The following MTMR7 variants were observed in gnomAD, a reference collection of about 807,000 sequenced individuals.
MTMR7 encodes the protein phosphatidylinositol-3-phosphate phosphatase MTMR7.
Under a neutral mutation model 81.2 loss-of-function variants are expected in MTMR7, and 76 were observed. That is an observed-to-expected ratio of 0.94 (90% CI 0.78 to 1.13). The LOEUF (loss-of-function observed/expected upper bound fraction) is 1.13, where lower values mean the gene tolerates loss of function less well. Among genes scored for constraint, MTMR7 ranks in the 50% most tolerant of loss-of-function variants. The pLI is 0.00. For missense variants in MTMR7, 1,044 were observed against 820.0 expected (o/e 1.27, Z -3.34); for synonymous variants, 372 against 289.8 (o/e 1.28, Z -2.88).
rs563617483 is a variant in MTMR7 at position 17,405,582 on chromosome 8, C to G, written c.24+7687G>C. Among the ~76,000 whole-genome samples, 4 of 152,250 alleles carry G rather than the reference C, an allele frequency of 2.6e-5. No homozygotes were observed. In the East Asian group the frequency reaches 5.8e-4, roughly 22 times the overall value. Reference sequence around the variant, plus strand: ...CCCGGACAGCAAATAAATATGCCCTCTGCTACTAAGGAAGAAGCTATTCCT... The same window carrying G: ...CCCGGACAGCAAATAAATATGCCCTGTGCTACTAAGGAAGAAGCTATTCCT... On this transcript the variant is annotated intron_variant, in intron 1 of 13. Coordinates refer to ENST00000180173, the MANE Select transcript of MTMR7 (RefSeq NM_004686.5).
At chr8:17,397,647 C>T (rs1421286749) in intron 1 of MTMR7, among the ~76,000 whole-genome samples, 1 of 152,192 alleles carries the variant, frequency 6.6e-6, no homozygotes, top group Non-Finnish European at 1.5e-5. Flanking sequence ...TGGGGGAACT[C>T]GCCACCCTGA....
chr8:17,336,846 C>T (rs1449248611), intron 6 of MTMR7, among the ~76,000 whole-genome samples: 2 of 152,118 alleles, frequency 1.3e-5, no homozygotes, highest in East Asian at 1.9e-4. Flanking sequence ...AGAGCTTCCA[C>T]GTGGAAACGA....
At chr8:17,312,199 G>T (rs1056812467) in intron 8 of MTMR7, among the ~76,000 whole-genome samples, 1 of 152,184 alleles carries the variant, frequency 6.6e-6, no homozygotes, top group African/African-American at 2.4e-5. Flanking sequence ...TATCTTGGCA[G>T]TTAACATACG....
intron 7 of MTMR7, among the ~76,000 whole-genome samples, chr8:17,324,260 G>C (rs1818554929): frequency 6.6e-6 from 1 of 152,200 alleles, no homozygotes; most frequent in South Asian, 2.1e-4. Flanking sequence ...ACTGTCTGAT[G>C]AATAGATGAG....
intron 7 of MTMR7, among the ~76,000 whole-genome samples, chr8:17,328,325 A>T (rs1818802064): frequency 6.6e-6 from 1 of 152,094 alleles, no homozygotes; most frequent in African/African-American, 2.4e-5. Flanking sequence ...CCTCCCCAAC[A>T]CCCAGGATGC....
chr8:17,326,531 G>C (rs1445645454), intron 7 of MTMR7: 1 of 152,178 alleles, frequency 6.6e-6, no homozygotes, highest in Non-Finnish European at 1.5e-5. Context: ...ATGATAAAAA[G>C]TGCTAGGTTA....
At chr8:17,303,664 C>A (rs1262932981) in intron 12 of MTMR7, among the ~76,000 whole-genome samples, 1 of 150,028 alleles carries the variant, frequency 6.7e-6, no homozygotes, top group Non-Finnish European at 1.5e-5. Flanking sequence ...GGCTGGAGTG[C>A]AATGGCACGA....
chr8:17,311,917 C>G (rs537710642), intron 8 of MTMR7: 1 of 317,084 alleles, frequency 3.2e-6, no homozygotes, highest in Non-Finnish European at 5.9e-6. Context: ...CCTATGCAAA[C>G]GGACCTTCAA....
intron 6 of MTMR7, among the ~76,000 whole-genome samples, chr8:17,332,988 A>C (rs1819092148): frequency 6.6e-6 from 1 of 152,178 alleles, no homozygotes; most frequent in African/African-American, 2.4e-5. Flanking sequence ...CCGAGAGCAT[A>C]TATGAAGTTT....
At chr8:17,301,012 C>T (rs1319743777) in intron 13 of MTMR7, among the ~76,000 whole-genome samples, 1 of 152,170 alleles carries the variant, frequency 6.6e-6, no homozygotes, top group Non-Finnish European at 1.5e-5. Flanking sequence ...TTTTGTTTCC[C>T]CATTCATCAT....
chr8:17,357,699 G>A (rs1229875038), intron 4 of MTMR7, among the ~76,000 whole-genome samples: 4 of 152,144 alleles, frequency 2.6e-5, no homozygotes, highest in Non-Finnish European at 4.4e-5. Context: ...ATGTAGACAT[G>A]CTATAATAAA....
intron 10 of MTMR7, among the ~76,000 whole-genome samples, chr8:17,308,756 G>T (rs1282164585): frequency 6.6e-6 from 1 of 152,122 alleles, no homozygotes; most frequent in Non-Finnish European, 1.5e-5. Flanking sequence ...AGGTCAGACA[G>T]CCCAGACGTC....
Position 17,313,393 on chromosome 8 carries a change from G to A in MTMR7, c.874C>T (p.Leu292Phe). The A allele has an allele frequency of 1.9e-6, 3 of 1,607,938 alleles. No individual in the cohort carries two copies. The highest frequency in any genetic ancestry group is 2.6e-6 in the Non-Finnish European group (3 of 1,175,334). The change falls in exon 8 of 14, where the codon CTT becomes TTT. Residue 292 changes from leucine to phenylalanine, a missense_variant. Leu to Phe is a conservative substitution (Grantham distance 22). Transcript: ENST00000180173. ...AAATCACTCATGGAGGGAGATTTAA[G>A]TTCACACACTGCAAGATAAATCATG... ...SLQKMLEVCE[L>F]KSPSMSDFLW...
chr8:17,338,208 G>T (rs1169195210), intron 6 of MTMR7, among the ~76,000 whole-genome samples: 1 of 152,204 alleles, frequency 6.6e-6, no homozygotes, highest in Non-Finnish European at 1.5e-5. Context: ...TTTCTTTAAT[G>T]GATCAGTGTC....
chr8:17,410,073 T>A (rs569780148), intron 1 of MTMR7, among the ~76,000 whole-genome samples: 1 of 151,994 alleles, frequency 6.6e-6, no homozygotes, highest in Non-Finnish European at 1.5e-5. Flanking sequence ...AGCAGGGAAG[T>A]AGCATGATCA....
At chr8:17,376,119 C>T (rs1010402719) in intron 1 of MTMR7, among the ~76,000 whole-genome samples, 3 of 152,234 alleles carry the variant, frequency 2.0e-5, no homozygotes, top group Non-Finnish European at 2.9e-5. Context: ...TCAATTTACC[C>T]TCTGTCTCTA....
At chr8:17,348,887 G>C in intron 5 of MTMR7, 66 bp downstream of exon 5, 1 of 1,591,602 alleles carries the variant, frequency 6.3e-7, no homozygotes, top group Non-Finnish European at 8.6e-7. Flanking sequence ...AAGGCAGCTA[G>C]AAAATGCCTG....
intron 1 of MTMR7, among the ~76,000 whole-genome samples, chr8:17,387,327 G>A (rs559227042): frequency 6.6e-6 from 1 of 152,286 alleles, no homozygotes; most frequent in South Asian, 2.1e-4. Flanking sequence ...GCCAGGTTAC[G>A]TGAAGTACGG....
intron 7 of MTMR7, among the ~76,000 whole-genome samples, chr8:17,327,732 ACATTCTT>A: frequency 6.6e-6 from 1 of 151,478 alleles, no homozygotes; most frequent in South Asian, 2.1e-4. Flanking sequence ...TAGTTTTACC[ACATTCTT>A]TTGAGTATTG....
Sources: allele counts gnomAD v4.1 joint callset (sites outside exome capture counted in the v4.1 genomes callset), GRCh38; gene constraint gnomAD v4.1.1; transcripts MANE v1.5; gene names NCBI Gene and HGNC (gene_info 2026-07-23, HGNC 2026-07-21).